Variants in SERPINE2 observed in about 807,000 individuals in gnomAD.
SERPINE2 encodes the protein serpin family E member 2.
Under a neutral mutation model 36.3 loss-of-function variants are expected in SERPINE2, and 14 were observed. The observed-to-expected ratio is 0.39, with a 90% confidence interval of 0.25 to 0.60. The LOEUF (loss-of-function observed/expected upper bound fraction) is 0.60, where lower values mean the gene tolerates loss of function less well. Ranked by LOEUF, SERPINE2 falls within the 20% of genes least tolerant of loss-of-function variation. The probability of loss-of-function intolerance (pLI) is 0.57; values close to 1 mark genes in which losing one functional copy is unlikely to be tolerated. For synonymous variants in SERPINE2, 192 were observed against 191.8 expected (o/e 1.00, Z -0.01); for missense variants, 418 against 499.6 (o/e 0.84, Z 1.56).
At position 223,982,766 on chromosome 2, in the gene SERPINE2, T is replaced by C. The variant is rs778076788; in HGVS notation, c.900A>G (p.Ala300=). The C allele has an allele frequency of 6.2e-7, 1 of 1,613,566 alleles. No individual in the cohort carries two copies. Among genetic ancestry groups the C allele is most frequent in the South Asian group, 1.1e-5 (1 of 90,982 alleles). Residue 300 remains alanine, a synonymous_variant, in exon 6 of 9, where the codon GCA becomes GCG. Coordinates refer to ENST00000409304, the MANE Select transcript of SERPINE2 (RefSeq NM_001136528.2). ...TCAGCGGCTCCTTCAAATCTGTTTG[T>C]GCTACAGCTGTGAACCTAGCATGAA... ...QVILPKFTAV[A]QTDLKEPLKV...
intron 1 of SERPINE2, among the ~76,000 whole-genome samples, chr2:224,034,996 C>T (rs1692488380): frequency 6.6e-6 from 1 of 152,128 alleles, no homozygotes. Flanking sequence ...ATGACATGGC[C>T]ACTCCTTTAG....
intron 1 of SERPINE2, among the ~76,000 whole-genome samples, chr2:224,035,905 G>A (rs904103605): frequency 1.3e-5 from 2 of 152,116 alleles, no homozygotes; most frequent in Non-Finnish European, 2.9e-5. Context: ...ACAGGATCTG[G>A]TGACAGCCTG....
chr2:223,994,879 C>T (rs1559202236), intron 3 of SERPINE2, among the ~76,000 whole-genome samples: 1 of 152,192 alleles, frequency 6.6e-6, no homozygotes, highest in Non-Finnish European at 1.5e-5. Context: ...TTACATCTCT[C>T]CATTTTACAG....
In SERPINE2 at chr2:224,038,645, A is replaced by G. The variant is rs1171413705; in HGVS notation, c.-23+454T>C. ...CTCTGCCCAGGCAGAGGTAACAAGT[A>G]AGAGTGCGCCAGTCTCTCCCCATCC... is the stretch of plus-strand genomic sequence containing the variant. On this transcript the variant is annotated intron_variant, in intron 1 of 8. Coordinates refer to ENST00000409304, the MANE Select transcript of SERPINE2 (RefSeq NM_001136528.2). 5.2e-6 allele frequency: 4 copies of G among 775,932 alleles called. No individual in the cohort carries two copies. The Admixed American group carries it at 6.2e-5, about 12-fold the overall frequency. The allele number at this position is 775,932 out of a possible 1,614,324, so 48.1% of individuals were successfully genotyped here.
At chr2:224,012,252 A>C (rs1691652646) in intron 1 of SERPINE2, among the ~76,000 whole-genome samples, 1 of 152,164 alleles carries the variant, frequency 6.6e-6, no homozygotes. Flanking sequence ...TGCTTGGCTC[A>C]GGGATTGCTT....
chr2:224,014,505 A>C (rs959793525), intron 1 of SERPINE2, among the ~76,000 whole-genome samples: 3 of 152,210 alleles, frequency 2.0e-5, no homozygotes. Context: ...AACTAAGGAA[A>C]GTCAGAGGGA....
Position 224,031,329 on chromosome 2 carries a change from G to A in SERPINE2, c.-23+7770C>T, listed in dbSNP as rs752458173. 5.0e-4 allele frequency: 493 copies of A among 985,290 alleles called. 1 individual carries two copies. The highest frequency in any genetic ancestry group is 5.9e-4 in the Non-Finnish European group (486 of 829,938). The allele number at this position is 985,290 out of a possible 1,614,324, so 61.0% of individuals were successfully genotyped here. Reference sequence around the variant, plus strand: ...ACCCTTCCTTCCCAACTACATGAGTGGGAATGATATCAGCATCTAGCTGAG... The same window carrying A: ...ACCCTTCCTTCCCAACTACATGAGTAGGAATGATATCAGCATCTAGCTGAG... On this transcript the variant is annotated intron_variant, in intron 1 of 8. Transcript: ENST00000409304.
chr2:223,993,260 G>C (rs1024064185), intron 3 of SERPINE2, among the ~76,000 whole-genome samples: 1 of 152,204 alleles, frequency 6.6e-6, no homozygotes, highest in Non-Finnish European at 1.5e-5. Context: ...AGGAGTGAAG[G>C]AGTGAACACA....
intron 7 of SERPINE2, chr2:223,980,026 C>T (rs987701052): frequency 1.1e-5 from 3 of 266,040 alleles, no homozygotes; most frequent in Non-Finnish European, 2.1e-5. Context: ...TGGTATGACA[C>T]ACAAATCTGA....
intron 1 of SERPINE2, among the ~76,000 whole-genome samples, chr2:224,008,670 G>T (rs533702444): frequency 1.3e-5 from 2 of 152,292 alleles, no homozygotes; most frequent in South Asian, 4.1e-4. Flanking sequence ...TTCTGTTCCA[G>T]ATGGAATCAG....
chr2:224,003,787 C>T (rs1691285652), intron 1 of SERPINE2, among the ~76,000 whole-genome samples: 1 of 152,242 alleles, frequency 6.6e-6, no homozygotes, highest in Admixed American at 6.5e-5. Flanking sequence ...CAAGCTCCTG[C>T]TAAGCACAGT....
chr2:223,990,143 C>T (rs987893077), intron 4 of SERPINE2, among the ~76,000 whole-genome samples: 10 of 152,014 alleles, frequency 6.6e-5, no homozygotes, highest in Non-Finnish European at 1.5e-4. Flanking sequence ...TCCTTCCTAT[C>T]GCCTGCAGAC....
At chr2:224,026,265 G>A (rs1281954327) in intron 1 of SERPINE2, among the ~76,000 whole-genome samples, 4 of 152,228 alleles carry the variant, frequency 2.6e-5, no homozygotes, top group Non-Finnish European at 4.4e-5. Flanking sequence ...CTTCCATCAT[G>A]TTTGAGTCAC....
At chr2:224,003,920 G>T (rs1691290813) in intron 1 of SERPINE2, among the ~76,000 whole-genome samples, 1 of 152,146 alleles carries the variant, frequency 6.6e-6, no homozygotes, top group Non-Finnish European at 1.5e-5. Flanking sequence ...GGGAAATCAT[G>T]TCTCTGTGTG....
At chr2:223,976,031 T>A in intron 8 of SERPINE2, 127 bp from the exon 9 acceptor site, 1 of 720,902 alleles carries the variant, frequency 1.4e-6, no homozygotes, top group Non-Finnish European at 2.1e-6. Flanking sequence ...GTGTCCAGTA[T>A]AACTTTCTGC....
chr2:223,991,792 C>G lies in SERPINE2; in HGVS notation c.685+11G>C. 6.2e-7 allele frequency: 1 copy of G among 1,613,290 alleles called. No individual in the cohort carries two copies. ...ACATCCTAGAACAGGCTTCGCTGAG[C>G]ATGAACTCACCACACCGGAACACGG... On this transcript the variant is annotated intron_variant, in intron 4 of 8. Coordinates refer to ENST00000409304, the MANE Select transcript of SERPINE2 (RefSeq NM_001136528.2).
intron 1 of SERPINE2, chr2:224,031,510 G>C: frequency 1.0e-6 from 1 of 985,652 alleles, no homozygotes; most frequent in Non-Finnish European, 1.2e-6. Context: ...GCCAATCATA[G>C]AACCTCCCTC....
At chr2:223,995,010 G>A (rs964634359) in intron 3 of SERPINE2, among the ~76,000 whole-genome samples, 1 of 152,182 alleles carries the variant, frequency 6.6e-6, no homozygotes, top group Non-Finnish European at 1.5e-5. Context: ...TGCCACTCAT[G>A]GTATGGTACA....
Position 224,002,280 on chromosome 2 carries a change from G to A in SERPINE2, c.-22-358C>T, listed in dbSNP as rs1015590496. 6.9e-5 allele frequency among the ~76,000 whole-genome samples: 8 copies of A among 116,340 alleles called. No homozygotes were observed. In the South Asian group the frequency reaches 9.0e-4, roughly 13 times the overall value. The allele number at this position is 116,340 out of a possible 152,430, so 76.3% of individuals were successfully genotyped here. ...GTGTGAGCCACTGTACCTGGCCTGCGAGGCCATTTTGTACTCACCTAGTAT... is the reference window on the plus strand; with the variant it reads ...GTGTGAGCCACTGTACCTGGCCTGCAAGGCCATTTTGTACTCACCTAGTAT... On this transcript the variant is annotated intron_variant, in intron 1 of 8. Coordinates refer to ENST00000409304, the MANE Select transcript of SERPINE2 (RefSeq NM_001136528.2).
Sources: allele counts gnomAD v4.1 joint callset (sites outside exome capture counted in the v4.1 genomes callset), GRCh38; gene constraint gnomAD v4.1.1; transcripts MANE v1.5; gene names NCBI Gene and HGNC (gene_info 2026-07-23, HGNC 2026-07-21).